GRIK1: variants seen among roughly 807,000 people sequenced by gnomAD.
GRIK1 encodes the protein glutamate receptor ionotropic, kainate 1.
GRIK1 carries 69 observed loss-of-function variants against 105.7 expected under a neutral mutation model. The ratio of observed to expected loss-of-function variants is 0.65; its 90% CI spans 0.54 to 0.80. GRIK1 has a LOEUF of 0.80. Among genes scored for constraint, GRIK1 ranks in the 30% least tolerant of loss-of-function variants. The pLI is 0.00. For missense variants in GRIK1, 1,109 were observed against 1,167.3 expected (o/e 0.95, Z 0.73); for synonymous variants, 438 against 431.3 (o/e 1.02, Z -0.19).
chr21:29,719,354 A>G (rs2064262750), intron 1 of GRIK1, among the ~76,000 whole-genome samples: 1 of 152,018 alleles, frequency 6.6e-6, no homozygotes, highest in South Asian at 2.1e-4. Flanking sequence ...CTCTGAGTCA[A>G]TTGTAAAAGC....
At chr21:29,920,761 G>A (rs1303695910) in intron 1 of GRIK1, among the ~76,000 whole-genome samples, 2 of 151,974 alleles carry the variant, frequency 1.3e-5, no homozygotes. Flanking sequence ...TTTGTAACTT[G>A]CTGTAGTGTC....
chr21:29,546,127 G>A (rs2090046550), intron 16 of GRIK1, among the ~76,000 whole-genome samples: 1 of 152,110 alleles, frequency 6.6e-6, no homozygotes, highest in South Asian at 2.1e-4. Context: ...TCTCTGCTGT[G>A]CCCTCTGAGA....
intron 1 of GRIK1, among the ~76,000 whole-genome samples, chr21:29,805,342 G>A (rs1161788434): frequency 6.6e-6 from 1 of 152,116 alleles, no homozygotes; most frequent in African/African-American, 2.4e-5. Flanking sequence ...GCAGAAGGCA[G>A]GGAAGAGTAA....
At chr21:29,799,866 G>T (rs551406146) in intron 1 of GRIK1, among the ~76,000 whole-genome samples, 49 of 152,286 alleles carry the variant, frequency 3.2e-4, no homozygotes, top group African/African-American at 1.2e-3. Flanking sequence ...TTATATTCAA[G>T]TAGAAATTCC....
At chr21:29,815,665 A>G (rs1278562032) in intron 1 of GRIK1, among the ~76,000 whole-genome samples, 1 of 152,204 alleles carries the variant, frequency 6.6e-6, no homozygotes, top group Non-Finnish European at 1.5e-5. Context: ...ATTTATAAAA[A>G]GAATGTCTTT....
intron 1 of GRIK1, among the ~76,000 whole-genome samples, chr21:29,871,852 C>G (rs919105527): frequency 1.4e-5 from 2 of 147,436 alleles, no homozygotes; most frequent in African/African-American, 5.0e-5. Flanking sequence ...CAGCCTCAAC[C>G]TCCCAGGCTC....
At chr21:29,738,715 G>A (rs1276759321) in intron 1 of GRIK1, among the ~76,000 whole-genome samples, 3 of 152,100 alleles carry the variant, frequency 2.0e-5, no homozygotes, top group Admixed American at 1.3e-4. Context: ...TATTTTTAAT[G>A]CATCTATCTA....
intron 1 of GRIK1, among the ~76,000 whole-genome samples, chr21:29,886,674 T>C (rs953850321): frequency 7.2e-5 from 11 of 152,196 alleles, no homozygotes; most frequent in African/African-American, 2.7e-4. Context: ...TTTCTTTTCC[T>C]ACTTACAATG....
At chr21:29,785,967 CCCTCTGT>C (rs139701900) in intron 1 of GRIK1, among the ~76,000 whole-genome samples, 3,663 of 152,280 alleles carry the variant, frequency 0.024, 105 homozygotes, top group East Asian at 0.1. Flanking sequence ...TCTTCTCCTT[CCCTCTGT>C]GTCTCTCCTC....
chr21:29,929,878 C>A (rs1193612154), intron 1 of GRIK1, among the ~76,000 whole-genome samples: 1 of 152,104 alleles, frequency 6.6e-6, no homozygotes, highest in Non-Finnish European at 1.5e-5. Context: ...AGTTCATTGC[C>A]ACGTTATCCA....
intron 1 of GRIK1, among the ~76,000 whole-genome samples, chr21:29,867,009 G>C (rs191932754): frequency 3.7e-4 from 56 of 152,144 alleles, no homozygotes; most frequent in Non-Finnish European, 7.6e-4. Context: ...CAATAGATTT[G>C]TATTCTGTCC....
intron 14 of GRIK1, among the ~76,000 whole-genome samples, chr21:29,575,582 C>T (rs1433088542): frequency 6.6e-6 from 1 of 152,074 alleles, no homozygotes; most frequent in Non-Finnish European, 1.5e-5. Context: ...GCTTGCAATT[C>T]CAGGACTTTG....
chr21:29,589,925 T>C (rs1267923589), intron 10 of GRIK1, among the ~76,000 whole-genome samples: 1 of 152,206 alleles, frequency 6.6e-6, no homozygotes, highest in Admixed American at 6.5e-5. Flanking sequence ...TTTCTTCTTT[T>C]ATCATCTTTC....
intron 1 of GRIK1, among the ~76,000 whole-genome samples, chr21:29,767,794 C>T (rs2065708673): frequency 6.6e-6 from 1 of 151,744 alleles, no homozygotes; most frequent in African/African-American, 2.4e-5. Flanking sequence ...AATTTCTCCT[C>T]AGCTGAAATT....
At chr21:29,706,110 A>C (rs2063902691) in intron 1 of GRIK1, among the ~76,000 whole-genome samples, 1 of 151,962 alleles carries the variant, frequency 6.6e-6, no homozygotes, top group Non-Finnish European at 1.5e-5. Flanking sequence ...CTGACCTCAG[A>C]TGATCTGTCC....
intron 7 of GRIK1, among the ~76,000 whole-genome samples, chr21:29,621,393 G>A (rs2061998358): frequency 6.7e-6 from 1 of 149,402 alleles, no homozygotes; most frequent in African/African-American, 2.4e-5. Context: ...GGGCCTGAGG[G>A]GTGTGTGTGT....
At chr21:29,659,774 A>G (rs2062926447) in intron 4 of GRIK1, among the ~76,000 whole-genome samples, 1 of 152,150 alleles carries the variant, frequency 6.6e-6, no homozygotes, top group African/African-American at 2.4e-5. Context: ...CAGCCTGACC[A>G]ACAAGGAGAA....
rs1185432724 is a variant in GRIK1 at position 29,561,828 on chromosome 21, C to T, written c.2152G>A (p.Glu718Lys). 1.2e-6 allele frequency: 2 copies of T among 1,612,918 alleles called. No homozygotes were observed. The part of the protein sequence containing the change: ...FFKKSKISTY[E>K]KMWAFMSSRQ... ...CTGCTCATGAAAGCCCACATCTTCT[C>T]ATAGGTGGAGATTTTTGATTTCTGG... The change falls in exon 15 of 18, where the codon GAG becomes AAG. Residue 718 changes from glutamate to lysine, a missense_variant. By Grantham distance (56) the Glu-to-Lys change is moderately conservative (BLOSUM62 1). Around this residue, in one of 5 missense-constraint regions of GRIK1, gnomAD observed 264 missense variants for 306.9 expected, o/e 0.86. Transcript: ENST00000327783.
At chr21:29,863,889 A>C (rs1309533943) in intron 1 of GRIK1, among the ~76,000 whole-genome samples, 1 of 152,166 alleles carries the variant, frequency 6.6e-6, no homozygotes, top group Non-Finnish European at 1.5e-5. Context: ...TCTTCTCAAT[A>C]AGGCCAAGCA....
Sources: gnomAD v4.1 joint callset for allele counts (sites outside exome capture counted in the v4.1 genomes callset) on GRCh38, gnomAD v4.1.1 for gene constraint, gnomAD v4.1.1 regional missense constraint, MANE v1.5 for transcripts, NCBI Gene and HGNC (gene_info 2026-07-23, HGNC 2026-07-21) for gene names.